Variants in CFAP161 observed in about 807,000 individuals in gnomAD.
The protein encoded by CFAP161 is cilia and flagella associated protein 161, also known as cilia- and flagella-associated protein 161.
CFAP161 carries 25 observed loss-of-function variants against 29.0 expected under a neutral mutation model. The observed-to-expected ratio is 0.86, with a 90% CI of 0.63 to 1.20. The LOEUF (loss-of-function observed/expected upper bound fraction) is 1.20. Among genes scored for constraint, CFAP161 ranks in the 50% most tolerant of loss-of-function variants. The probability of loss-of-function intolerance (pLI) is 0.00; values close to 1 mark genes in which losing one functional copy is unlikely to be tolerated. For synonymous variants in CFAP161, 116 were observed against 137.4 expected, an observed-to-expected ratio of 0.84 and a Z score of 1.09; for missense variants, 367 against 371.9, an observed-to-expected ratio of 0.99 and a Z score of 0.11.
intron 1 of CFAP161, among the ~76,000 whole-genome samples, chr15:81,109,773 A>G (rs1027835622): frequency 5.3e-5 from 8 of 152,200 alleles, no homozygotes; most frequent in African/African-American, 1.9e-4. Context: ...TGTTAATGTC[A>G]ATTCTCTTTA....
At chr15:81,141,867 T>C (rs1445955162) in intron 4 of CFAP161, among the ~76,000 whole-genome samples, 2 of 152,086 alleles carry the variant, frequency 1.3e-5, no homozygotes, top group Admixed American at 1.3e-4. Context: ...GTATTTTTAG[T>C]AGAGACAGGG....
chr15:81,133,227 ATTTT>A (rs111496841), upstream of CFAP161, among the ~76,000 whole-genome samples: 1,004 of 50,342 alleles, frequency 0.02, 67 homozygotes, highest in Non-Finnish European at 0.031. Context: ...ATATATATGT[ATTTT>A]TTTTTAAATT....
At chr15:81,101,526 C>CGA (rs1491297302) in intron 1 of CFAP161, among the ~76,000 whole-genome samples, 9 of 46,108 alleles carry the variant, frequency 2.0e-4, no homozygotes, top group South Asian at 1.4e-3. Flanking sequence ...GACTCTGTCT[C>CGA]AAAAAAAAAA....
chr15:81,135,240 C>T (rs761853832), intron 1 of CFAP161, 30 bp from the exon 2 acceptor site: 3 of 1,476,318 alleles, frequency 2.0e-6, no homozygotes, highest in South Asian at 2.5e-5. Context: ...CTATATTATT[C>T]AGGGCTACTT....
At chr15:81,146,831 AATATATATAT>A (rs3086710) in intron 5 of CFAP161, among the ~76,000 whole-genome samples, 287 of 70,504 alleles carry the variant, frequency 4.1e-3, no homozygotes, top group East Asian at 0.015. Flanking sequence ...GATAGCTACA[AATATATATAT>A]ATATATATAT....
chr15:81,136,434 T>C, intron 2 of CFAP161, 82 bp from the exon 3 acceptor site: 2 of 1,231,770 alleles, frequency 1.6e-6, no homozygotes, highest in Non-Finnish European at 2.3e-6. Context: ...TGGGTACTAG[T>C]CCGAGAAGGA....
intron 1 of CFAP161, among the ~76,000 whole-genome samples, chr15:81,124,875 T>C (rs1010853157): frequency 6.6e-6 from 1 of 152,130 alleles, no homozygotes; most frequent in Non-Finnish European, 1.5e-5. Context: ...TCATTTCTGA[T>C]TGTGCATAAC....
chr15:81,122,920 T>C (rs966962246), intron 1 of CFAP161, among the ~76,000 whole-genome samples: 16 of 152,228 alleles, frequency 1.1e-4, no homozygotes. Context: ...ATTAAGTTCC[T>C]TATAGATGCT....
chr15:81,130,877 G>A (rs1446605168), upstream of CFAP161, among the ~76,000 whole-genome samples: 1 of 152,126 alleles, frequency 6.6e-6, no homozygotes, highest in Non-Finnish European at 1.5e-5. Context: ...CTGGTAGGTG[G>A]AGCAGTCAGA....
upstream of CFAP161, among the ~76,000 whole-genome samples, chr15:81,130,748 T>TCACTTGAA (rs981347904): frequency 6.6e-6 from 1 of 152,176 alleles, no homozygotes; most frequent in Non-Finnish European, 1.5e-5. Context: ...GCTCTTCCTT[T>TCACTTGAA]CACTTGAACA....
chr15:81,130,208 C>A (rs546044848), upstream of CFAP161, among the ~76,000 whole-genome samples: 5 of 152,286 alleles, frequency 3.3e-5, no homozygotes, highest in East Asian at 1.9e-4. Flanking sequence ...TTTATCTAGA[C>A]CAGTAAAACT....
Position 81,106,631 on chromosome 15 carries a change from C to T in CFAP161, c.-141-20959C>T, listed in dbSNP as rs184694141. Among the ~76,000 whole-genome samples the T allele has an allele frequency of 1.5e-3, 233 of 152,368 alleles. 1 individual carries two copies. Among genetic ancestry groups the T allele is most frequent in the African/African-American group, 5.1e-3 (211 of 41,592 alleles). On this transcript the variant is annotated intron_variant, in intron 1 of 4. Coordinates refer to the CFAP161 transcript ENST00000560091. ...GCTGTCACTGCATCATTTTTCTAGTCACAAATCAGAAGCTGTACCCACGAA... is the reference window on the plus strand; with the variant it reads ...GCTGTCACTGCATCATTTTTCTAGTTACAAATCAGAAGCTGTACCCACGAA...
At chr15:81,132,703 C>T (rs1411875304), upstream of CFAP161, among the ~76,000 whole-genome samples, 5 of 152,100 alleles carry the variant, frequency 3.3e-5, no homozygotes, top group Non-Finnish European at 7.4e-5. Context: ...ATCATTAGAA[C>T]CTTGTTAAAA....
At chr15:81,100,428 A>G (rs931921870) in intron 1 of CFAP161, among the ~76,000 whole-genome samples, 5 of 151,712 alleles carry the variant, frequency 3.3e-5, no homozygotes, top group African/African-American at 1.2e-4. Flanking sequence ...GTGTCTTTCT[A>G]TTGCTTTAAA....
intron 5 of CFAP161, among the ~76,000 whole-genome samples, chr15:81,144,490 G>A (rs1023865661): frequency 1.3e-5 from 2 of 152,102 alleles, no homozygotes; most frequent in African/African-American, 4.8e-5. Context: ...AAGCTACTCA[G>A]GTGGCTGAGG....
intron 1 of CFAP161, chr15:81,117,780 G>C: frequency 3.4e-6 from 1 of 294,790 alleles, no homozygotes; most frequent in South Asian, 4.1e-5. Flanking sequence ...CTTCATCTTT[G>C]TCATCATCCC....
At chr15:81,136,802 A>G in intron 3 of CFAP161, 54 bp downstream of exon 3, 1 of 1,478,604 alleles carries the variant, frequency 6.8e-7, no homozygotes, top group Admixed American at 1.8e-5. Context: ...TTTCACTTGT[A>G]GCTTAAAGAT....
In CFAP161 at chr15:81,148,659, AT is replaced by A; in HGVS notation, c.*128del. The A allele has an allele frequency of 1.2e-6, 1 of 801,032 alleles. No homozygotes were observed. Among genetic ancestry groups the A allele is most frequent in the Non-Finnish European group, 1.8e-6 (1 of 554,412 alleles). The allele number at this position is 801,032 out of a possible 1,614,324, so 49.6% of individuals were successfully genotyped here. On this transcript the variant is annotated 3_prime_UTR_variant, in exon 7 of 7. Transcript: ENST00000286732. ...AGATGTGGGACTCTCTGGGCACTAT[AT>A]TAAAATAAAGATTACATTAAGATTA... is the stretch of plus-strand genomic sequence containing the variant.
chr15:81,144,571 G>A (rs560156483), intron 5 of CFAP161, among the ~76,000 whole-genome samples: 42 of 152,198 alleles, frequency 2.8e-4, no homozygotes, highest in Admixed American at 1.4e-3. Context: ...ACTCCAGCCT[G>A]GGTGACAGAG....
Sources: gnomAD v4.1 joint callset for allele counts (sites outside exome capture counted in the v4.1 genomes callset) on GRCh38, gnomAD v4.1.1 for gene constraint, MANE v1.5 for transcripts, NCBI Gene and HGNC (gene_info 2026-07-23, HGNC 2026-07-21) for gene names.